Variants in LRP1B observed in about 807,000 individuals in gnomAD.
LRP1B encodes low-density lipoprotein receptor-related protein 1B.
LRP1B carries 217 observed loss-of-function variants against 556.6 expected under a neutral mutation model. The ratio of observed to expected loss-of-function variants is 0.39; its 90% CI spans 0.35 to 0.44. The LOEUF (loss-of-function observed/expected upper bound fraction) is 0.44. Among genes scored for constraint, LRP1B ranks in the 20% least tolerant of loss-of-function variants. The pLI is 1.00. For missense variants in LRP1B, 5,053 were observed against 5,620.8 expected, an observed-to-expected ratio of 0.90 and a Z score of 3.23; for synonymous variants, 2,047 against 1,865.8, an observed-to-expected ratio of 1.10 and a Z score of -2.50.
intron 7 of LRP1B, among the ~76,000 whole-genome samples, chr2:141,156,731 G>A (rs1368563902): frequency 2.0e-5 from 3 of 151,918 alleles, no homozygotes; most frequent in Admixed American, 6.6e-5. Context: ...ATATATAAAA[G>A]CAAGAATGAG....
intron 1 of LRP1B, among the ~76,000 whole-genome samples, chr2:142,106,496 G>C (rs951774298): frequency 6.6e-6 from 1 of 152,110 alleles, no homozygotes; most frequent in Admixed American, 6.6e-5. Context: ...GAAAATAGTA[G>C]AATAAAAAGC....
At chr2:140,668,218 G>A (rs982425968) in intron 41 of LRP1B, among the ~76,000 whole-genome samples, 17 of 150,036 alleles carry the variant, frequency 1.1e-4, no homozygotes, top group Non-Finnish European at 2.5e-4. Context: ...GCTGAGGCAG[G>A]AGAATGGCGT....
At chr2:141,015,982 C>T (rs1697888845) in intron 12 of LRP1B, 67 bp from the exon 13 acceptor site, 1 of 1,206,942 alleles carries the variant, frequency 8.3e-7, no homozygotes, top group African/African-American at 1.5e-5. Flanking sequence ...ATAGACACTT[C>T]CTCAGATTTG....
rs745334495 is a variant in LRP1B at position 141,058,913 on chromosome 2, G to A, written c.1378C>T (p.Arg460Ter). 1.9e-6 allele frequency: 3 copies of A among 1,587,042 alleles called. No individual in the cohort carries two copies. The highest frequency in any genetic ancestry group is 1.7e-6 in the Non-Finnish European group (2 of 1,169,872). Residue 460 changes from arginine to a stop codon, truncating the protein, a stop_gained, in exon 9 of 91, where the codon CGA (arginine) becomes TGA (stop). Transcript: ENST00000389484. LOFTEE classifies it high-confidence loss of function. Reference protein sequence around the residue: ...LIKIENAWGIRIYQKRTQPTV... With the variant: ...LIKIENAWGI ...GGTTGAGTTCTTTTTTGATAAATTC[G>A]GATTCCCCAAGCATTCTCAATTTTA...
chr2:140,813,887 G>GGA, intron 31 of LRP1B, 81 bp from the exon 32 acceptor site: 1 of 900,302 alleles, frequency 1.1e-6, no homozygotes, highest in East Asian at 2.6e-5. Context: ...GATTTGAGGG[G>GGA]AAAAAAATAA....
chr2:141,759,270 A>C (rs1005525036), intron 2 of LRP1B, among the ~76,000 whole-genome samples: 1 of 152,176 alleles, frequency 6.6e-6, no homozygotes, highest in Admixed American at 6.5e-5. Context: ...CTCTAAACTC[A>C]TTTGCAGAAT....
rs972625999 is a variant in LRP1B at position 141,208,741 on chromosome 2, C to T, written c.851-20158G>A. Among the ~76,000 whole-genome samples the T allele has an allele frequency of 2.7e-4, 41 of 151,458 alleles. No individual in the cohort carries two copies. In the South Asian group the frequency reaches 6.3e-3, roughly 23 times the overall value. ...AAAATTAGCTGGGCGTAGTGGCAGG[C>T]GCCTGTAGTCCCAGCTACTGGGGAG... On this transcript the variant is annotated intron_variant, in intron 6 of 90. Transcript: ENST00000389484.
chr2:140,970,278 T>C (rs1180362536), intron 18 of LRP1B, among the ~76,000 whole-genome samples: 1 of 152,218 alleles, frequency 6.6e-6, no homozygotes. Flanking sequence ...TGATTTGATC[T>C]TCAATCACTG....
At chr2:140,508,461 A>T (rs1250667037) in intron 52 of LRP1B, among the ~76,000 whole-genome samples, 1 of 152,168 alleles carries the variant, frequency 6.6e-6, no homozygotes, top group Non-Finnish European at 1.5e-5. Flanking sequence ...TATCTCAGAA[A>T]TTATTGACAT....
chr2:140,989,654 T>C lies in LRP1B; in HGVS notation c.2648A>G (p.Asn883Ser), dbSNP rs772063211. Residue 883 changes from asparagine (N) to serine (S), a missense_variant, in exon 17 of 91, where the codon AAT becomes AGT. Asn to Ser is a conservative substitution (Grantham distance 46). Transcript: ENST00000389484. ...GSDEDSVNCF[N>S]HSCPDDQFKC... The stretch of plus-strand genomic sequence containing the variant: ...AAACTGATCATCAGGACAGCTATGA[T>C]TGACTGGGAGGGAGGGGGAAGCAAG... 3.7e-6 allele frequency: 6 copies of C among 1,612,552 alleles called. No individual in the cohort carries two copies. Among genetic ancestry groups the C allele is most frequent in the Non-Finnish European group, 5.1e-6 (6 of 1,179,114 alleles).
chr2:140,872,079 T>A (rs1235117610), intron 25 of LRP1B, among the ~76,000 whole-genome samples: 1 of 73,272 alleles, frequency 1.4e-5, no homozygotes, highest in Non-Finnish European at 3.0e-5. Flanking sequence ...CCTAGGACCT[T>A]GTATTTTTTT....
intron 1 of LRP1B, among the ~76,000 whole-genome samples, chr2:141,948,691 G>A (rs1353216631): frequency 6.6e-6 from 1 of 152,034 alleles, no homozygotes; most frequent in African/African-American, 2.4e-5. Context: ...TGATTATCAA[G>A]TGAAAATGAC....
chr2:141,127,011 C>T (rs1666409963), intron 7 of LRP1B, among the ~76,000 whole-genome samples: 1 of 151,552 alleles, frequency 6.6e-6, no homozygotes. Flanking sequence ...CCCTCCCCCA[C>T]CCCTCACCCC....
chr2:140,516,828 G>C lies in LRP1B; in HGVS notation c.8149+61C>G, dbSNP rs982730511. 4.0e-6 allele frequency: 6 copies of C among 1,490,534 alleles called. No individual in the cohort carries two copies. In the African/African-American group the frequency reaches 8.3e-5, roughly 21 times the overall value. 92.3% of individuals were successfully genotyped at this position (1,490,534 alleles called of 1,614,324 possible). ...TTTTGTATAAAATCCCTACATAAGA[G>C]AATACTAACATATAAGTAATAGTAA... On this transcript the variant is annotated intron_variant, in intron 50 of 90. Coordinates refer to ENST00000389484, the MANE Select transcript of LRP1B (RefSeq NM_018557.3).
intron 21 of LRP1B, among the ~76,000 whole-genome samples, chr2:140,918,734 G>A (rs1573878503): frequency 1.3e-5 from 2 of 152,178 alleles, no homozygotes; most frequent in African/African-American, 4.8e-5. Context: ...GGGAGGTTTG[G>A]GAGGTAATCA....
At chr2:140,784,158 G>A (rs1216257887) in intron 32 of LRP1B, among the ~76,000 whole-genome samples, 3 of 152,034 alleles carry the variant, frequency 2.0e-5, no homozygotes, top group South Asian at 2.1e-4. Context: ...CCTATGTCAC[G>A]AACATAAGAC....
intron 3 of LRP1B, among the ~76,000 whole-genome samples, chr2:141,402,464 A>C (rs1690482097): frequency 6.6e-6 from 1 of 152,116 alleles, no homozygotes; most frequent in South Asian, 2.1e-4. Flanking sequence ...GTCAACCAAA[A>C]AGTATTAGTT....
chr2:141,806,241 A>G (rs1696164334), intron 2 of LRP1B, among the ~76,000 whole-genome samples: 1 of 152,046 alleles, frequency 6.6e-6, no homozygotes. Context: ...GGTGGTACCA[A>G]GCTTTCATTC....
At chr2:140,303,722 A>T (rs991772718) in intron 83 of LRP1B, among the ~76,000 whole-genome samples, 2 of 152,048 alleles carry the variant, frequency 1.3e-5, no homozygotes, top group Non-Finnish European at 2.9e-5. Flanking sequence ...GGTTTGTTAC[A>T]TAGGTATACA....
Sources: gnomAD v4.1 joint callset for allele counts (sites outside exome capture counted in the v4.1 genomes callset) on GRCh38, gnomAD v4.1.1 for gene constraint, MANE v1.5 for transcripts, NCBI Gene and HGNC (gene_info 2026-07-23, HGNC 2026-07-21) for gene names.